DISP3: variants seen among roughly 807,000 people sequenced by gnomAD.
The protein encoded by DISP3 is protein dispatched homolog 3.
DISP3 carries 101 observed loss-of-function variants against 135.3 expected under a neutral mutation model. The observed-to-expected ratio is 0.75, with a 90% CI of 0.64 to 0.88. The LOEUF (loss-of-function observed/expected upper bound fraction) is 0.88. Among genes scored for constraint, DISP3 ranks in the 40% least tolerant of loss-of-function variants. The pLI is 0.00. For synonymous variants in DISP3, 856 were observed against 817.0 expected (o/e 1.05, Z -0.81); for missense variants, 1,713 against 1,878.6 (o/e 0.91, Z 1.63).
intron 3 of DISP3, among the ~76,000 whole-genome samples, chr1:11,509,724 A>G (rs1172747981): frequency 1.3e-5 from 2 of 152,138 alleles, no homozygotes; most frequent in Non-Finnish European, 2.9e-5. Flanking sequence ...TCATGTTAGC[A>G]TGGTATATCA....
chr1:11,513,098 C>T (rs1641904030), intron 3 of DISP3, among the ~76,000 whole-genome samples: 1 of 151,876 alleles, frequency 6.6e-6, no homozygotes, highest in South Asian at 2.1e-4. Context: ...GGGACACAGC[C>T]AAAGCCTATC....
Position 11,519,713 on chromosome 1 carries a change from T to G in DISP3, c.2039-6T>G, listed in dbSNP as rs1642122437. 2 of 1,612,162 alleles carry G rather than the reference T, an allele frequency of 1.2e-6. No individual in the cohort carries two copies. Among genetic ancestry groups the G allele is most frequent in the East Asian group, 4.5e-5 (2 of 44,872 alleles). On this transcript the variant is annotated splice_region_variant and splice_polypyrimidine_tract_variant and intron_variant, in intron 8 of 20. Coordinates refer to ENST00000294484, the MANE Select transcript of DISP3 (RefSeq NM_020780.2). The surrounding 1 kb of genome is among the most constrained non-coding windows in gnomAD (Gnocchi z 4.3). ...GCTCTGACGGGCCACTGCTCTGCCC[T>G]GGCAGTGTCACTGGAGCTGGGAGAC...
rs1448782917 is a variant in DISP3 at position 11,535,496 on chromosome 1, T to G, written c.3668T>G (p.Val1223Gly). The change falls in exon 20 of 21, where the codon GTG becomes GGG. Residue 1223 changes from valine to glycine, a missense_variant. By Grantham distance (109) the Val-to-Gly change is moderately radical (BLOSUM62 -3). Coordinates refer to ENST00000294484, the MANE Select transcript of DISP3 (RefSeq NM_020780.2). ...LSILGIVCLVVTIMYWSGWEM... is the reference protein window; with the variant it reads ...LSILGIVCLVGTIMYWSGWEM... ...CTTGCAGGCATCGTGTGCCTGGTGG[T>G]GACCATCATGTACTGGAGCGGCTGG... 3 of 1,611,502 alleles carry G rather than the reference T, an allele frequency of 1.9e-6. No homozygotes were observed. Among genetic ancestry groups the G allele is most frequent in the Non-Finnish European group, 2.5e-6 (3 of 1,179,036 alleles).
Position 11,520,805 on chromosome 1 carries a change from G to A in DISP3, c.2319G>A (p.Lys773=), listed in dbSNP as rs771380851. ...ACATCCAGGTGCTGCTGGACCTCAA[G>A]TACAACCTGAGCGCCGAGGGCATCT... ...DTNIQVLLDL[K]YNLSAEGISC... is the part of the protein sequence containing the mutation. Residue 773 remains lysine, a synonymous_variant, in exon 10 of 21, where the codon AAG becomes AAA. Coordinates refer to ENST00000294484, the MANE Select transcript of DISP3 (RefSeq NM_020780.2). The surrounding 1 kb of genome is among the most constrained non-coding windows in gnomAD (Gnocchi z 4.8). 3 of 1,613,012 alleles carry A rather than the reference G, an allele frequency of 1.9e-6. No homozygotes were observed. The highest frequency in any genetic ancestry group is 2.5e-6 in the Non-Finnish European group (3 of 1,179,884).
At chr1:11,490,635 C>T (rs1641158619) in intron 1 of DISP3, among the ~76,000 whole-genome samples, 1 of 152,078 alleles carries the variant, frequency 6.6e-6, no homozygotes, top group African/African-American at 2.4e-5. Context: ...TTTGTGGGCT[C>T]CAGGCTCCAG....
chr1:11,532,693 C>T (rs1045690584), intron 17 of DISP3, among the ~76,000 whole-genome samples: 2 of 151,936 alleles, frequency 1.3e-5, no homozygotes, highest in East Asian at 1.9e-4. Context: ...CCATCTTAAC[C>T]GGTTTTTTTG....
chr1:11,519,860 A>G lies in DISP3; in HGVS notation c.2180A>G (p.Lys727Arg). ...CACTGGGTCCTGTGGTCAGCCGTCA[A>G]GAGCCGCTGGGTGATTGTGGGTAAG... Reference protein sequence around the residue: ...LHHWVLWSAVKSRWVIVGLFV... With the variant: ...LHHWVLWSAVRSRWVIVGLFV... Residue 727 changes from lysine (K) to arginine (R), a missense_variant, in exon 9 of 21, where the codon AAG (lysine) becomes AGG (arginine). Around this residue, in one of 2 missense-constraint regions of DISP3, gnomAD observed 1,142 missense variants for 1,384.6 expected, o/e 0.82. Coordinates refer to ENST00000294484, the MANE Select transcript of DISP3 (RefSeq NM_020780.2). This position sits in a 1 kb window ranked among gnomAD's most constrained non-coding sequence, Gnocchi z 4.3. 6.2e-7 allele frequency: 1 copy of G among 1,610,520 alleles called. No individual in the cohort carries two copies. Among genetic ancestry groups the G allele is most frequent in the Non-Finnish European group, 8.5e-7 (1 of 1,179,140 alleles).
intron 7 of DISP3, among the ~76,000 whole-genome samples, chr1:11,518,246 C>T (rs1352305105): frequency 1.3e-5 from 2 of 152,142 alleles, no homozygotes; most frequent in Non-Finnish European, 2.9e-5. Flanking sequence ...CTTGGTCAGT[C>T]GTGTTCAGGG....
chr1:11,498,724 A>G (rs992550720), intron 1 of DISP3, among the ~76,000 whole-genome samples: 2 of 152,314 alleles, frequency 1.3e-5, no homozygotes, highest in Admixed American at 1.3e-4. Flanking sequence ...ATGAAAGAAT[A>G]GTAGCTGTCA....
chr1:11,482,599 A>G (rs2100346780), intron 1 of DISP3, among the ~76,000 whole-genome samples: 1 of 152,286 alleles, frequency 6.6e-6, no homozygotes, highest in South Asian at 2.1e-4. Flanking sequence ...TAACAATACT[A>G]TAGGTGTTGA....
At chr1:11,528,687 C>A (rs576857039) in intron 13 of DISP3, among the ~76,000 whole-genome samples, 1 of 152,142 alleles carries the variant, frequency 6.6e-6, no homozygotes, top group Non-Finnish European at 1.5e-5. Context: ...CTCGGTGATA[C>A]GCGGGGACTG....
Position 11,536,422 on chromosome 1 carries a change from G to A in DISP3, c.3915G>A (p.Val1305=). 1 of 1,613,134 alleles carries A rather than the reference G, an allele frequency of 6.2e-7. No homozygotes were observed. The highest frequency in any genetic ancestry group is 1.1e-5 in the South Asian group (1 of 91,090). The change falls in exon 21 of 21, where the codon GTG becomes GTA. Residue 1305 remains valine, a synonymous_variant. Coordinates refer to ENST00000294484, the MANE Select transcript of DISP3 (RefSeq NM_020780.2). This position sits in a 1 kb window ranked among gnomAD's most constrained non-coding sequence, Gnocchi z 4.3. ...CCCTCACCACGGTCATCGCCACAGT[G>A]CCCCTCTTCTTCTGCATCATCGCCC... The part of the protein sequence containing the change: ...SSALTTVIAT[V]PLFFCIIAPF...
chr1:11,517,745 C>G, intron 7 of DISP3, 143 bp downstream of exon 7: 1 of 1,147,232 alleles, frequency 8.7e-7, no homozygotes, highest in Admixed American at 2.6e-5. Flanking sequence ...GAAGATGCTT[C>G]CATCCAATAA....
In DISP3 at chr1:11,514,447, G is replaced by T; in HGVS notation, c.1374G>T (p.Thr458=). The T allele has an allele frequency of 6.2e-7, 1 of 1,613,856 alleles. No homozygotes were observed. Among genetic ancestry groups the T allele is most frequent in the South Asian group, 1.1e-5 (1 of 91,076 alleles). ...TDLFDYEVRR[T]FNNDMLLAFI... ...TGTTTGACTATGAAGTGCGCAGGAC[G>T]TTCAACAATGACATGCTCCTGGCCT... Residue 458 remains threonine (T), a synonymous_variant, in exon 4 of 21, where the codon ACG becomes ACT. Transcript: ENST00000294484.
At chr1:11,498,312 G>A (rs1490695838) in intron 1 of DISP3, among the ~76,000 whole-genome samples, 1 of 152,210 alleles carries the variant, frequency 6.6e-6, no homozygotes, top group Non-Finnish European at 1.5e-5. Flanking sequence ...CTCAATGACC[G>A]GGGGCTGGAA....
chr1:11,521,366 AG>A (rs1456798580), intron 10 of DISP3, among the ~76,000 whole-genome samples: 1 of 94,784 alleles, frequency 1.1e-5, no homozygotes, highest in Non-Finnish European at 2.1e-5. Flanking sequence ...CCAGGTGAGG[AG>A]GGGAGAGGAG....
In DISP3 at chr1:11,519,658, G is replaced by A. The variant is rs866914363; in HGVS notation, c.2039-61G>A. 2.3e-5 allele frequency: 36 copies of A among 1,583,982 alleles called. No homozygotes were observed. The highest frequency in any genetic ancestry group is 3.4e-5 in the Admixed American group (2 of 58,598). ...CAGGCATCTGGGCTTCCCTGGAAGCGAGCGTGGACCACAGTGGGCTTTGAT... is the reference window on the plus strand; with the variant it reads ...CAGGCATCTGGGCTTCCCTGGAAGCAAGCGTGGACCACAGTGGGCTTTGAT... On this transcript the variant is annotated intron_variant, in intron 8 of 20. Transcript: ENST00000294484. This position sits in a 1 kb window ranked among gnomAD's most constrained non-coding sequence, Gnocchi z 4.3.
At chr1:11,535,750 C>T in intron 20 of DISP3, 106 bp downstream of exon 20, 1 of 1,379,348 alleles carries the variant, frequency 7.2e-7, no homozygotes, top group Non-Finnish European at 9.8e-7. Context: ...AGCACCAGGA[C>T]CCCCATGCAG....
chr1:11,522,555 C>T (rs1642230385), intron 10 of DISP3, among the ~76,000 whole-genome samples: 2 of 151,122 alleles, frequency 1.3e-5, no homozygotes, highest in African/African-American at 4.9e-5. Context: ...AGCCAGGACC[C>T]AGCCAGAGCC....
Sources: allele counts gnomAD v4.1 joint callset (sites outside exome capture counted in the v4.1 genomes callset), GRCh38; gene constraint gnomAD v4.1.1; regional missense constraint gnomAD v4.1.1; non-coding constraint Gnocchi (gnomAD v3.1); transcripts MANE v1.5; gene names NCBI Gene and HGNC (gene_info 2026-07-23, HGNC 2026-07-21).